APOL2: variants seen among roughly 807,000 people sequenced by gnomAD.
APOL2 encodes the protein apolipoprotein L2.
A neutral mutation model predicts 7.1 loss-of-function variants in APOL2; 8 were observed. The ratio of observed to expected loss-of-function variants is 1.12; its 90% CI spans 0.66 to 2.03. The LOEUF (loss-of-function observed/expected upper bound fraction) is 2.03. Among genes scored for constraint, APOL2 ranks in the 30% most tolerant of loss-of-function variants. APOL2 has a pLI of 0.00. For synonymous variants in APOL2, 177 were observed against 159.9 expected (o/e 1.11, Z -0.81); for missense variants, 471 against 415.1 (o/e 1.13, Z -1.17).
chr22:36,237,390 T>A, intron 1 of APOL2: 1 of 1,251,942 alleles, frequency 8.0e-7, no homozygotes, highest in Non-Finnish European at 1.0e-6. Flanking sequence ...GGAGTCGAAA[T>A]GATTTCCTGA....
At chr22:36,235,099 G>A (rs982174201) in intron 1 of APOL2, among the ~76,000 whole-genome samples, 2 of 152,248 alleles carry the variant, frequency 1.3e-5, no homozygotes, top group African/African-American at 2.4e-5. Flanking sequence ...ATCCAGCCAG[G>A]CAGAGTGGTC....
rs1389468592 is a variant in APOL2, at chr22:36,233,178, G to A, written c.-16C>T. Reference sequence around the variant, plus strand: ...CTGGGTTCATGGTGCCAGCGGCTGGGTTACCGAGGGGCTTTCCTTGGAGCT... The same window carrying A: ...CTGGGTTCATGGTGCCAGCGGCTGGATTACCGAGGGGCTTTCCTTGGAGCT... On this transcript the variant is annotated 5_prime_UTR_variant, in exon 3 of 5. Transcript: ENST00000358502. 3 of 1,614,000 alleles carry A rather than the reference G, an allele frequency of 1.9e-6. No homozygotes were observed. Among genetic ancestry groups the A allele is most frequent in the African/African-American group, 2.7e-5 (2 of 74,900 alleles).
chr22:36,237,142 G>A, intron 1 of APOL2: 1 of 1,527,444 alleles, frequency 6.5e-7, no homozygotes, highest in Middle Eastern at 1.7e-4. Flanking sequence ...TTTGTCTGGA[G>A]CCTCTGCTGG....
chr22:36,239,546 G>T (rs781461333), upstream of APOL2: 10 of 1,566,956 alleles, frequency 6.4e-6, no homozygotes, highest in Admixed American at 1.8e-4. Context: ...ACGTCCTCCG[G>T]CCTCCCAGAT....
rs2014993440 is a variant in APOL2, at chr22:36,226,530, AACC to A, written c.*871_*873del. The A allele has an allele frequency of 6.6e-6, 1 of 152,588 alleles. No individual in the cohort carries two copies. Among genetic ancestry groups the A allele is most frequent in the Non-Finnish European group, 1.5e-5 (1 of 68,376 alleles). 9.5% of individuals were successfully genotyped at this position (152,588 alleles called of 1,614,324 possible). ...GGACCCGTCACATGACAACCACCCC[AACC>A]ACCATCATGAAGAAGCCACTGGCTG... On this transcript the variant is annotated 3_prime_UTR_variant, in exon 5 of 5. Coordinates refer to ENST00000358502, the MANE Select transcript of APOL2 (RefSeq NM_030882.4).
rs151312656 is a variant in APOL2, at chr22:36,230,559, C to T, written c.137+781G>A. On this transcript the variant is annotated intron_variant, in intron 4 of 4. Coordinates refer to ENST00000358502, the MANE Select transcript of APOL2 (RefSeq NM_030882.4). ...ACCAAACCAAGGCTGACTCTTACTC[C>T]ATCCTGACTCCAGGCTCTGACACTG... Among the ~76,000 whole-genome samples the T allele has an allele frequency of 5.8e-3, 877 of 152,276 alleles. 8 individuals are homozygous for T. The highest frequency in any genetic ancestry group is 9.9e-3 in the Non-Finnish European group (675 of 68,030).
At chr22:36,239,669 T>C (rs2015537022), upstream of APOL2, 3 of 639,384 alleles carry the variant, frequency 4.7e-6, no homozygotes, top group Non-Finnish European at 5.6e-6. Flanking sequence ...CCCAGCCTCC[T>C]TGCTGCTGCA....
intron 3 of APOL2, 37 bp downstream of exon 3, chr22:36,233,116 G>T (rs770795594): frequency 6.2e-7 from 1 of 1,601,832 alleles, no homozygotes; most frequent in Non-Finnish European, 8.6e-7. Context: ...TTCTAGGTGC[G>T]AGTAGGAACT....
intron 1 of APOL2, chr22:36,236,764 G>A: frequency 4.7e-6 from 5 of 1,053,828 alleles, no homozygotes; most frequent in Non-Finnish European, 5.7e-6. Context: ...CTCTGTTTCA[G>A]GGTCGAGGCA....
chr22:36,239,539 T>C (rs747365390), upstream of APOL2: 13 of 1,573,120 alleles, frequency 8.3e-6, no homozygotes, highest in South Asian at 8.0e-5. Flanking sequence ...ACCAGACACG[T>C]CCTCCGGCCT....
rs132760 is a variant in APOL2 at position 36,227,685 on chromosome 22, C to T, written c.733G>A (p.Val245Ile). The T allele has an allele frequency of 4.0e-5, 64 of 1,614,154 alleles. No homozygotes were observed. Among genetic ancestry groups the T allele is most frequent in the Non-Finnish European group, 5.3e-5 (63 of 1,180,050 alleles). Residue 245 changes from valine (V) to isoleucine (I), a missense_variant, in exon 5 of 5, where the codon GTC (valine) becomes ATC (isoleucine). By Grantham distance (29) the Val-to-Ile change is conservative. Transcript: ENST00000358502. ...CCTTCAGCTGAGATTCGCCCAATGA[C>T]ATGCGGGGGTGGGGCATACGCTCCT... ...QLGAYAPPPH[V>I]IGRISAEGGE...
At chr22:36,238,342 G>A (rs2015480588) in intron 1 of APOL2, among the ~76,000 whole-genome samples, 1 of 152,098 alleles carries the variant, frequency 6.6e-6, no homozygotes, top group African/African-American at 2.4e-5. Flanking sequence ...TCTCTTTTTG[G>A]TGAAGAACAA....
At chr22:36,236,896 G>T in intron 1 of APOL2, 1 of 1,294,054 alleles carries the variant, frequency 7.7e-7, no homozygotes, top group East Asian at 3.1e-5. Context: ...TGTAAGGGAC[G>T]GGGTGACGGG....
intron 3 of APOL2, among the ~76,000 whole-genome samples, chr22:36,231,757 GA>G (rs1259096005): frequency 6.6e-6 from 1 of 152,210 alleles, no homozygotes; most frequent in Non-Finnish European, 1.5e-5. Context: ...CCTATTGTAA[GA>G]AGAGAAAGAG....
chr22:36,226,211 G>A lies in APOL2; in HGVS notation c.*1193C>T, dbSNP rs1398962653. The A allele has an allele frequency of 6.6e-6, 1 of 152,236 alleles. No homozygotes were observed. The highest frequency in any genetic ancestry group is 2.4e-5 in the African/African-American group (1 of 41,454). 9.4% of individuals were successfully genotyped at this position (152,236 alleles called of 1,614,324 possible). On this transcript the variant is annotated 3_prime_UTR_variant, in exon 5 of 5. Coordinates refer to ENST00000358502, the MANE Select transcript of APOL2 (RefSeq NM_030882.4). ...AGAATGACTCGAACAAGTCCAGCTT[G>A]GTGAGTAGGTGAGTTTATTGGGACT...
In APOL2 at chr22:36,228,252, G is replaced by C; in HGVS notation, c.166C>G (p.Leu56Val). The C allele has an allele frequency of 6.2e-7, 1 of 1,613,998 alleles. No individual in the cohort carries two copies. The highest frequency in any genetic ancestry group is 8.5e-7 in the Non-Finnish European group (1 of 1,179,958). The change falls in exon 5 of 5, where the codon CTG becomes GTG. Residue 56 changes from leucine to valine, a missense_variant. Coordinates refer to ENST00000358502, the MANE Select transcript of APOL2 (RefSeq NM_030882.4). ...ACCATGTGACTTGCAAGCTTGTTCA[G>C]AGCTTTACGGAGCTCATCTGCCTCA... ...RDEADELRKA[L>V]NKLASHMVMK... is the part of the protein sequence containing the mutation.
At chr22:36,237,015 G>C (rs1337622321) in intron 1 of APOL2, 4 of 1,424,640 alleles carry the variant, frequency 2.8e-6, no homozygotes, top group East Asian at 2.8e-5. Flanking sequence ...GGAGGACCAG[G>C]AGGGAGAAGA....
Position 36,233,234 on chromosome 22 carries a change from C to T in APOL2, c.-72G>A, listed in dbSNP as rs768175357. 5 of 1,614,048 alleles carry T rather than the reference C, an allele frequency of 3.1e-6. No individual in the cohort carries two copies. Among genetic ancestry groups the T allele is most frequent in the South Asian group, 2.2e-5 (2 of 91,074 alleles). ...GTCACTGTCCAGACTGGAAGGTTTT[C>T]CTTAACCCTTGAGAACGAGAAAACA... On this transcript the variant is annotated 5_prime_UTR_variant, in exon 3 of 5. Coordinates refer to ENST00000358502, the MANE Select transcript of APOL2 (RefSeq NM_030882.4).
At position 36,238,159 on chromosome 22, in the gene APOL2, C is replaced by G. The variant is rs925744762; in HGVS notation, c.-134+1282G>C. Among the ~76,000 whole-genome samples, 3 of 152,186 alleles carry G rather than the reference C, an allele frequency of 2.0e-5. No homozygotes were observed. In the South Asian group the frequency reaches 6.2e-4, roughly 31 times the overall value. On this transcript the variant is annotated intron_variant, in intron 1 of 4. Coordinates refer to ENST00000358502, the MANE Select transcript of APOL2 (RefSeq NM_030882.4). Reference sequence around the variant, plus strand: ...ACTGTTGTGTTCCCAGCTGCACCCCCTACGACTGACCTGGATGCCCTCCGC... The same window carrying G: ...ACTGTTGTGTTCCCAGCTGCACCCCGTACGACTGACCTGGATGCCCTCCGC...
Sources: gnomAD v4.1 joint callset for allele counts (sites outside exome capture counted in the v4.1 genomes callset) on GRCh38, gnomAD v4.1.1 for gene constraint, MANE v1.5 for transcripts, NCBI Gene and HGNC (gene_info 2026-07-23, HGNC 2026-07-21) for gene names.